ZNF496: variants seen among roughly 807,000 people sequenced by gnomAD.
ZNF496 encodes NSD1 (nuclear receptor binding SET-domain containing 1)-interacting zinc finger protein 1.
In ZNF496, 11 loss-of-function variants were observed where a neutral mutation model predicts 58.9. The ratio of observed to expected loss-of-function variants is 0.19; its 90% confidence interval spans 0.12 to 0.31. The LOEUF is 0.31. Ranked by LOEUF, ZNF496 falls within the 10% of genes least tolerant of loss-of-function variation. The probability of loss-of-function intolerance (pLI) is 1.00; values close to 1 mark genes in which losing one functional copy is unlikely to be tolerated. For missense variants in ZNF496, 660 were observed against 783.0 expected (o/e 0.84, Z 1.88); for synonymous variants, 338 against 318.2 (o/e 1.06, Z -0.66).
Position 247,328,780 on chromosome 1 carries a change from G to A in ZNF496, c.477C>T (p.His159=). 6.2e-7 allele frequency: 1 copy of A among 1,613,834 alleles called. No individual in the cohort carries two copies. Among genetic ancestry groups the A allele is most frequent in the Non-Finnish European group, 8.5e-7 (1 of 1,179,908 alleles). Residue 159 remains histidine, a synonymous_variant, in exon 5 of 10, where the codon CAC becomes CAT. Coordinates refer to ENST00000682384, the MANE Select transcript of ZNF496 (RefSeq NM_032752.3). ...QEQEQLPVEP[H]SDLAKNQDAQ... is the part of the protein sequence containing the mutation. ...CATCCTGGTTCTTTGCAAGGTCGCT[G>A]TGGGGCTCTACCGGCAGCTGCTCCT...
rs185678187 is a variant in ZNF496 at position 247,326,122 on chromosome 1, A to G, written c.574+2561T>C. On this transcript the variant is annotated intron_variant, in intron 5 of 9. Coordinates refer to ENST00000682384, the MANE Select transcript of ZNF496 (RefSeq NM_032752.3). ...CATATATATACACACACATATATAT[A>G]CATACATATATATATATACACACAT... is the stretch of plus-strand genomic sequence containing the variant. 7.9e-4 allele frequency among the ~76,000 whole-genome samples: 118 copies of G among 149,406 alleles called. 2 individuals are homozygous for G. Among genetic ancestry groups the G allele is most frequent in the South Asian group, 3.2e-3 (15 of 4,750 alleles).
chr1:247,311,729 G>GGGTGGCCCTGCCCCTCGCTTTT (rs74163747), intron 6 of ZNF496: 2 of 152,054 alleles, frequency 1.3e-5, no homozygotes, highest in African/African-American at 4.8e-5. Context: ...CCAAGGCCCT[G>GGGTGGCCCTGCCCCTCGCTTTT]GGTGGTCCCG....
At chr1:247,324,507 T>C (rs541640297) in intron 5 of ZNF496, among the ~76,000 whole-genome samples, 4 of 150,270 alleles carry the variant, frequency 2.7e-5, no homozygotes, top group Non-Finnish European at 5.9e-5. Context: ...TATGAGGTAA[T>C]GCATTATATT....
Position 247,329,124 on chromosome 1 carries a change from A to G in ZNF496, c.390+65T>C. On this transcript the variant is annotated intron_variant, in intron 4 of 9. Coordinates refer to ENST00000682384, the MANE Select transcript of ZNF496 (RefSeq NM_032752.3). This position sits in a 1 kb window ranked among gnomAD's most constrained non-coding sequence, Gnocchi z 5.5. ...TCCTCATTCCCCAGCCAGCACATGC[A>G]TGGCCCAGCCAAAGTGTCTAAGTAC... 1.2e-6 allele frequency: 2 copies of G among 1,607,118 alleles called. No individual in the cohort carries two copies. Among genetic ancestry groups the G allele is most frequent in the South Asian group, 1.1e-5 (1 of 90,942 alleles).
rs145416928 is a variant in ZNF496 at position 247,308,295 on chromosome 1, C to T, written c.1006+180G>A. Among the ~76,000 whole-genome samples, 263 of 152,330 alleles carry T rather than the reference C, an allele frequency of 1.7e-3. No individual in the cohort carries two copies. Among genetic ancestry groups the T allele is most frequent in the Middle Eastern group, 6.8e-3 (2 of 294 alleles). On this transcript the variant is annotated intron_variant, in intron 9 of 9. Coordinates refer to ENST00000682384, the MANE Select transcript of ZNF496 (RefSeq NM_032752.3). This position sits in a 1 kb window ranked among gnomAD's most constrained non-coding sequence, Gnocchi z 4.5. ...ATCACACACCCACATGCCCCCAACA[C>T]ACAGGTGCACCCATGAATGCACACA...
chr1:247,319,915 T>G (rs1318782850), intron 6 of ZNF496, among the ~76,000 whole-genome samples: 1 of 152,016 alleles, frequency 6.6e-6, no homozygotes, highest in Non-Finnish European at 1.5e-5. Flanking sequence ...AGAGTGAGAC[T>G]CCGCCTCAAA....
At chr1:247,324,630 G>T (rs1464867451) in intron 5 of ZNF496, among the ~76,000 whole-genome samples, 1 of 152,096 alleles carries the variant, frequency 6.6e-6, no homozygotes, top group Non-Finnish European at 1.5e-5. Flanking sequence ...GAGTAGCTGG[G>T]ACTACAGGTG....
chr1:247,318,882 T>C (rs1367537891), intron 6 of ZNF496, among the ~76,000 whole-genome samples: 1 of 152,204 alleles, frequency 6.6e-6, no homozygotes, highest in African/African-American at 2.4e-5. Flanking sequence ...ATTACAACAC[T>C]CTATGATGCG....
intron 9 of ZNF496, among the ~76,000 whole-genome samples, chr1:247,301,740 G>A (rs1261090662): frequency 6.6e-6 from 1 of 152,214 alleles, no homozygotes; most frequent in Non-Finnish European, 1.5e-5. Flanking sequence ...GCACTTGCAT[G>A]CTCCAGGGAC....
At chr1:247,303,186 C>G (rs1659302065) in intron 9 of ZNF496, among the ~76,000 whole-genome samples, 1 of 152,166 alleles carries the variant, frequency 6.6e-6, no homozygotes, top group South Asian at 2.1e-4. Flanking sequence ...AGACTGGAGG[C>G]AGACTTCAAC....
At chr1:247,311,792 G>A (rs1270617912) in intron 6 of ZNF496, 1 of 152,100 alleles carries the variant, frequency 6.6e-6, no homozygotes, top group Non-Finnish European at 1.5e-5. Flanking sequence ...CTCTGCAGTG[G>A]CCCCACCTCT....
In ZNF496 at chr1:247,308,159, C is replaced by T. The variant is rs1659474277; in HGVS notation, c.1006+316G>A. ...ATTGGGAGTGAGCTGGAGAATGACC[C>T]CAGCACAACGGAATCAGGGCAAGCA... On this transcript the variant is annotated intron_variant, in intron 9 of 9. Transcript: ENST00000682384. The surrounding 1 kb of genome is among the most constrained non-coding windows in gnomAD (Gnocchi z 4.5). 1.7e-5 allele frequency: 6 copies of T among 360,676 alleles called. No homozygotes were observed. The highest frequency in any genetic ancestry group is 2.3e-5 in the Non-Finnish European group (6 of 258,818). 22.3% of individuals were successfully genotyped at this position (360,676 alleles called of 1,614,324 possible).
intron 9 of ZNF496, among the ~76,000 whole-genome samples, chr1:247,304,379 T>G (rs1182462463): frequency 6.6e-6 from 1 of 151,860 alleles, no homozygotes; most frequent in Non-Finnish European, 1.5e-5. Context: ...GATTTTTTTT[T>G]TTTTTTTTTG....
chr1:247,325,815 T>G (rs1191320954), intron 5 of ZNF496, among the ~76,000 whole-genome samples: 1 of 152,062 alleles, frequency 6.6e-6, no homozygotes, highest in Non-Finnish European at 1.5e-5. Flanking sequence ...GTTTTAGTTC[T>G]GCTTCCTCAC....
chr1:247,304,858 G>A (rs898800600), intron 9 of ZNF496, among the ~76,000 whole-genome samples: 2 of 122,738 alleles, frequency 1.6e-5, no homozygotes, highest in Middle Eastern at 3.5e-3. Context: ...CATACTTCAA[G>A]TCTAACCCAT....
At chr1:247,322,300 T>C (rs527826382) in intron 6 of ZNF496, among the ~76,000 whole-genome samples, 5 of 152,134 alleles carry the variant, frequency 3.3e-5, no homozygotes, top group South Asian at 4.1e-4. Flanking sequence ...AAAAATAAAA[T>C]AAAGTCATGT....
intron 7 of ZNF496, 165 bp downstream of exon 7, chr1:247,310,159 G>A (rs2103020930): frequency 6.9e-7 from 1 of 1,451,070 alleles, no homozygotes; most frequent in East Asian, 2.5e-5. Flanking sequence ...TGCCTGTAGG[G>A]CCGCTGTGTG....
chr1:247,306,076 T>G (rs752998269), intron 9 of ZNF496, among the ~76,000 whole-genome samples: 23 of 152,358 alleles, frequency 1.5e-4, no homozygotes, highest in Non-Finnish European at 2.9e-4. Context: ...AGACTTGGAT[T>G]TGGTATTTAG....
intron 9 of ZNF496, among the ~76,000 whole-genome samples, chr1:247,302,936 T>C (rs930406572): frequency 1.3e-5 from 2 of 152,110 alleles, no homozygotes; most frequent in Non-Finnish European, 2.9e-5. Context: ...GAAAACAAAG[T>C]GACAAGGTGG....
Sources: allele counts gnomAD v4.1 joint callset (sites outside exome capture counted in the v4.1 genomes callset), GRCh38; gene constraint gnomAD v4.1.1; non-coding constraint Gnocchi (gnomAD v3.1); transcripts MANE v1.5; gene names NCBI Gene and HGNC (gene_info 2026-07-23, HGNC 2026-07-21).